Variants in DGKI observed in about 807,000 individuals in gnomAD.
The protein encoded by DGKI is diacylglycerol kinase iota.
In DGKI, 55 loss-of-function variants were observed where a neutral mutation model predicts 147.5. That is an observed-to-expected ratio of 0.37 (90% CI 0.30 to 0.47). The LOEUF is 0.47. DGKI is among the 20% of genes least tolerant of loss of function. The pLI is 1.00. For synonymous variants in DGKI, 469 were observed against 477.1 expected (o/e 0.98, Z 0.22); for missense variants, 1,007 against 1,323.8 (o/e 0.76, Z 3.71).
chr7:137,720,203 G>A (rs1452653763), intron 1 of DGKI, among the ~76,000 whole-genome samples: 2 of 148,856 alleles, frequency 1.3e-5, no homozygotes, highest in Non-Finnish European at 3.0e-5. Flanking sequence ...AACTAGAAGT[G>A]CAATCTAAAA....
chr7:137,759,334 C>G (rs1221914858), intron 1 of DGKI, among the ~76,000 whole-genome samples: 2 of 146,440 alleles, frequency 1.4e-5, no homozygotes, highest in African/African-American at 5.0e-5. Context: ...GCTCTACATT[C>G]TTTTTTTTTT....
intron 1 of DGKI, among the ~76,000 whole-genome samples, chr7:137,833,412 CT>C (rs1412149337): frequency 6.6e-6 from 1 of 152,146 alleles, no homozygotes; most frequent in Non-Finnish European, 1.5e-5. Flanking sequence ...GAAACTCACC[CT>C]GATAAAACCA....
chr7:137,440,504 C>A (rs1194773383), intron 28 of DGKI, among the ~76,000 whole-genome samples: 1 of 152,192 alleles, frequency 6.6e-6, no homozygotes, highest in Non-Finnish European at 1.5e-5. Context: ...TCCATTCAAT[C>A]ATGTCTTTGG....
At chr7:137,550,172 T>G (rs1283773980) in intron 20 of DGKI, among the ~76,000 whole-genome samples, 1 of 150,826 alleles carries the variant, frequency 6.6e-6, no homozygotes, top group Non-Finnish European at 1.5e-5. Context: ...TTTGAGTTTT[T>G]TTTTTTTTTT....
chr7:137,819,993 C>T (rs180882621), intron 1 of DGKI, among the ~76,000 whole-genome samples: 25 of 152,330 alleles, frequency 1.6e-4, no homozygotes, highest in African/African-American at 6.0e-4. Flanking sequence ...CATCCCATGA[C>T]ACTTCTTGCA....
At position 137,591,862 on chromosome 7, in the gene DGKI, T is replaced by G. The variant is rs371096499; in HGVS notation, c.1312-4652A>C. Among the ~76,000 whole-genome samples the G allele has an allele frequency of 2.4e-4, 36 of 152,308 alleles. 1 individual carries two copies. The highest frequency in any genetic ancestry group is 8.7e-4 in the African/African-American group (36 of 41,556). ...AAATGCCCTCTTCCCATTTCTCCAC[T>G]TAAAGTTGAGCCCTGAGTTTGCAAA... On this transcript the variant is annotated intron_variant, in intron 12 of 32. Coordinates refer to ENST00000614521, the MANE Select transcript of DGKI (RefSeq NM_001321708.2).
chr7:137,497,245 C>T (rs761158767), intron 21 of DGKI, among the ~76,000 whole-genome samples: 4 of 152,080 alleles, frequency 2.6e-5, no homozygotes, highest in Non-Finnish European at 4.4e-5. Context: ...CAATGAGATG[C>T]CATCTCACAC....
At chr7:137,487,244 T>C (rs1815598237) in intron 22 of DGKI, among the ~76,000 whole-genome samples, 1 of 152,208 alleles carries the variant, frequency 6.6e-6, no homozygotes, top group Non-Finnish European at 1.5e-5. Context: ...GTCTCTGACA[T>C]AAGTGTCAGA....
intron 1 of DGKI, among the ~76,000 whole-genome samples, chr7:137,694,738 C>A (rs1324772820): frequency 7.9e-5 from 12 of 152,246 alleles, no homozygotes; most frequent in Admixed American, 7.2e-4. Flanking sequence ...ACCATATGGG[C>A]ACTAACTTTG....
intron 20 of DGKI, among the ~76,000 whole-genome samples, chr7:137,549,595 G>T (rs747922019): frequency 1.3e-5 from 2 of 152,174 alleles, no homozygotes; most frequent in Non-Finnish European, 2.9e-5. Context: ...AGGAAGGCAG[G>T]AAATAAAGAA....
intron 31 of DGKI, chr7:137,396,037 T>TA (rs1811537614): frequency 7.3e-6 from 1 of 136,832 alleles, no homozygotes; most frequent in South Asian, 1.6e-4. Flanking sequence ...GAAGCCATTC[T>TA]CTCTGTGCAT....
intron 6 of DGKI, among the ~76,000 whole-genome samples, chr7:137,641,209 T>A (rs1821612469): frequency 6.6e-6 from 1 of 152,200 alleles, no homozygotes; most frequent in African/African-American, 2.4e-5. Flanking sequence ...TCCACCATGA[T>A]TGTGAAGCCT....
At chr7:137,823,153 C>T (rs1366113827) in intron 1 of DGKI, among the ~76,000 whole-genome samples, 2 of 151,454 alleles carry the variant, frequency 1.3e-5, no homozygotes, top group Admixed American at 6.6e-5. Context: ...ATATATGTAC[C>T]TATACAAAGT....
At chr7:137,451,953 C>T (rs1406500435) in intron 27 of DGKI, among the ~76,000 whole-genome samples, 1 of 152,064 alleles carries the variant, frequency 6.6e-6, no homozygotes, top group Non-Finnish European at 1.5e-5. Context: ...TACATCATTT[C>T]CTTCTTTGGA....
chr7:137,563,847 T>C (rs1818495924), intron 19 of DGKI, among the ~76,000 whole-genome samples: 2 of 152,138 alleles, frequency 1.3e-5, no homozygotes, highest in South Asian at 4.1e-4. Context: ...ATTCATATTG[T>C]TAATATTCCA....
chr7:137,686,496 C>G (rs1407921233), intron 2 of DGKI, among the ~76,000 whole-genome samples: 1 of 152,100 alleles, frequency 6.6e-6, no homozygotes, highest in African/African-American at 2.4e-5. Context: ...CCATGTGGGA[C>G]AGAGAATCCT....
At chr7:137,734,668 C>T (rs879808104) in intron 1 of DGKI, among the ~76,000 whole-genome samples, 1 of 151,932 alleles carries the variant, frequency 6.6e-6, no homozygotes, top group Non-Finnish European at 1.5e-5. Flanking sequence ...CAAGAGAAAC[C>T]TTGAGCCAGA....
chr7:137,628,253 C>G (rs1821012173), intron 6 of DGKI, among the ~76,000 whole-genome samples: 1 of 152,164 alleles, frequency 6.6e-6, no homozygotes, highest in African/African-American at 2.4e-5. Context: ...ATACTAGAAA[C>G]AAACAATAAG....
chr7:137,507,909 G>GT (rs1816423559), intron 21 of DGKI, among the ~76,000 whole-genome samples: 1 of 152,166 alleles, frequency 6.6e-6, no homozygotes, highest in Non-Finnish European at 1.5e-5. Context: ...AAATAAGGTG[G>GT]TTTGACAAAA....
Sources: allele counts gnomAD v4.1 joint callset (sites outside exome capture counted in the v4.1 genomes callset), GRCh38; gene constraint gnomAD v4.1.1; transcripts MANE v1.5; gene names NCBI Gene and HGNC (gene_info 2026-07-23, HGNC 2026-07-21).